The following NRG1 variants were observed in gnomAD, a reference collection of about 807,000 sequenced individuals.
The protein encoded by NRG1 is pro-neuregulin-1, membrane-bound isoform.
In NRG1, 18 loss-of-function variants were observed where a neutral mutation model predicts 63.8. The observed-to-expected ratio is 0.28, with a 90% CI of 0.19 to 0.42. The LOEUF (loss-of-function observed/expected upper bound fraction) is 0.42, where lower values mean the gene tolerates loss of function less well. Among genes scored for constraint, NRG1 ranks in the 10% least tolerant of loss-of-function variants. The pLI is 1.00. For missense variants in NRG1, 762 were observed against 814.7 expected (o/e 0.94, Z 0.79); for synonymous variants, 302 against 301.3 (o/e 1.00, Z -0.02).
intron 1 of NRG1, among the ~76,000 whole-genome samples, chr8:32,100,815 T>C (rs190168106): frequency 6.6e-6 from 1 of 152,300 alleles, no homozygotes; most frequent in East Asian, 1.9e-4. Context: ...AGTTGCTTGG[T>C]TGTTCGTGAT....
intron 1 of NRG1, among the ~76,000 whole-genome samples, chr8:32,454,364 C>T (rs889877071): frequency 6.6e-6 from 1 of 152,098 alleles, no homozygotes; most frequent in African/African-American, 2.4e-5. Flanking sequence ...GGATTGAGAA[C>T]CACTCATGTA....
At chr8:31,809,386 A>T (rs1318135068) in intron 1 of NRG1, among the ~76,000 whole-genome samples, 2 of 140,896 alleles carry the variant, frequency 1.4e-5, no homozygotes, top group Admixed American at 7.3e-5. Context: ...ATATACGTGT[A>T]TATATATGTG....
At chr8:32,745,591 G>T (rs764885941) in intron 7 of NRG1, among the ~76,000 whole-genome samples, 48 of 152,026 alleles carry the variant, frequency 3.2e-4, no homozygotes, top group Admixed American at 9.8e-4. Context: ...TATTGTCAAG[G>T]TTAGTCAGCT....
chr8:32,012,035 A>T (rs1814843016), intron 1 of NRG1, among the ~76,000 whole-genome samples: 1 of 152,076 alleles, frequency 6.6e-6, no homozygotes, highest in African/African-American at 2.4e-5. Flanking sequence ...AAGGCTACAA[A>T]GTCTTTCTTG....
At chr8:32,084,975 A>G (rs949323334) in intron 1 of NRG1, among the ~76,000 whole-genome samples, 2 of 152,236 alleles carry the variant, frequency 1.3e-5, no homozygotes, top group Admixed American at 6.5e-5. Context: ...CCCAGACAAG[A>G]TAGTGAATGA....
downstream of NRG1, chr8:32,768,107 T>C (rs1448338088): frequency 2.0e-5 from 3 of 152,334 alleles, no homozygotes; most frequent in Admixed American, 6.5e-5. Context: ...GTCCATTGCT[T>C]TTGCCACACC....
chr8:32,266,694 A>T (rs1376925577), intron 1 of NRG1, among the ~76,000 whole-genome samples: 1 of 152,150 alleles, frequency 6.6e-6, no homozygotes, highest in Non-Finnish European at 1.5e-5. Flanking sequence ...TTATCAAAAC[A>T]CAATATTCTA....
intron 1 of NRG1, among the ~76,000 whole-genome samples, chr8:32,097,872 G>C (rs938006877): frequency 6.6e-6 from 1 of 152,146 alleles, no homozygotes; most frequent in Non-Finnish European, 1.5e-5. Flanking sequence ...AATCTATTAT[G>C]CTTCCAATTG....
chr8:32,702,234 A>G (rs1815091564), intron 5 of NRG1, among the ~76,000 whole-genome samples: 1 of 152,236 alleles, frequency 6.6e-6, no homozygotes, highest in Non-Finnish European at 1.5e-5. Context: ...CATCTAAAAA[A>G]TGACTCTAGG....
chr8:32,478,728 G>A (rs952501840), intron 1 of NRG1, among the ~76,000 whole-genome samples: 1 of 152,126 alleles, frequency 6.6e-6, no homozygotes, highest in African/African-American at 2.4e-5. Context: ...GAGAGCCAAG[G>A]GTTAAACCAT....
At chr8:32,062,227 C>T (rs1462248827) in intron 1 of NRG1, among the ~76,000 whole-genome samples, 1 of 152,026 alleles carries the variant, frequency 6.6e-6, no homozygotes, top group African/African-American at 2.4e-5. Context: ...GCCTGTCACC[C>T]CAACCTTTCT....
intron 1 of NRG1, among the ~76,000 whole-genome samples, chr8:32,237,652 T>C (rs1847709051): frequency 6.6e-6 from 1 of 152,184 alleles, no homozygotes; most frequent in South Asian, 2.1e-4. Context: ...GTCTATTAAG[T>C]AGACAATAAG....
chr8:32,770,163 A>G (rs763408451), downstream of NRG1, among the ~76,000 whole-genome samples: 1 of 152,206 alleles, frequency 6.6e-6, no homozygotes, highest in African/African-American at 2.4e-5. Flanking sequence ...ACCTCTGTAG[A>G]TTTAAACATC....
intron 1 of NRG1, among the ~76,000 whole-genome samples, chr8:31,821,343 C>G (rs567458977): frequency 1.3e-5 from 2 of 152,156 alleles, no homozygotes; most frequent in Admixed American, 1.3e-4. Flanking sequence ...GAAAGGCACA[C>G]TGTGTAATTG....
intron 1 of NRG1, among the ~76,000 whole-genome samples, chr8:32,003,335 T>C (rs746665574): frequency 2.1e-4 from 32 of 152,076 alleles, no homozygotes; most frequent in Non-Finnish European, 4.7e-4. Context: ...ATCAATTTGT[T>C]CTAATTGACA....
intron 5 of NRG1, among the ~76,000 whole-genome samples, chr8:32,665,120 G>T (rs1464238370): frequency 6.6e-6 from 1 of 152,014 alleles, no homozygotes; most frequent in South Asian, 2.1e-4. Context: ...ACCTCTTTTC[G>T]AGTGTGTGTT....
At chr8:31,906,473 C>G (rs1187219026) in intron 1 of NRG1, among the ~76,000 whole-genome samples, 1 of 152,180 alleles carries the variant, frequency 6.6e-6, no homozygotes, top group Non-Finnish European at 1.5e-5. Context: ...ATATCTCTTG[C>G]TAGAGTTCCC....
intron 1 of NRG1, among the ~76,000 whole-genome samples, chr8:31,752,496 T>C (rs1816580925): frequency 6.6e-6 from 1 of 151,998 alleles, no homozygotes; most frequent in Non-Finnish European, 1.5e-5. Flanking sequence ...CATTCAACAT[T>C]CAGCTAGTAT....
At chr8:32,717,900 C>T (rs905404425) in intron 5 of NRG1, among the ~76,000 whole-genome samples, 4 of 152,158 alleles carry the variant, frequency 2.6e-5, no homozygotes, top group Non-Finnish European at 5.9e-5. Flanking sequence ...TAGGGAGGCT[C>T]CTTGCCTCAA....
Sources: gnomAD v4.1 joint callset for allele counts (sites outside exome capture counted in the v4.1 genomes callset) on GRCh38, gnomAD v4.1.1 for gene constraint, MANE v1.5 for transcripts, NCBI Gene and HGNC (gene_info 2026-07-23, HGNC 2026-07-21) for gene names.